YY1AP1: variants seen among roughly 807,000 people sequenced by gnomAD.
YY1AP1 encodes the protein YY1-associated protein 1.
In YY1AP1, 43 loss-of-function variants were observed where a neutral mutation model predicts 39.9. The ratio of observed to expected loss-of-function variants is 1.08; its 90% CI spans 0.84 to 1.39. YY1AP1 has a LOEUF of 1.39. YY1AP1 is among the 40% of genes most tolerant of loss of function. The pLI, the probability that YY1AP1 is intolerant of heterozygous loss-of-function variation, is 0.00. For missense variants in YY1AP1, 813 were observed against 900.7 expected, an observed-to-expected ratio of 0.90 and a Z score of 1.25; for synonymous variants, 292 against 331.3, an observed-to-expected ratio of 0.88 and a Z score of 1.29.
chr1:155,672,042 ATTTC>A (rs1163392725), intron 7 of YY1AP1, among the ~76,000 whole-genome samples: 1 of 152,218 alleles, frequency 6.6e-6, no homozygotes, highest in Non-Finnish European at 1.5e-5. Flanking sequence ...AAACCGGCAA[ATTTC>A]TTTAAAATAC....
intron 1 of YY1AP1, 48 bp downstream of exon 1, chr1:155,688,611 C>T (rs1558324267): frequency 2.6e-6 from 4 of 1,534,880 alleles, no homozygotes; most frequent in Non-Finnish European, 2.6e-6. Context: ...TTCTCCACTC[C>T]CCCTCAGACC....
chr1:155,679,036 C>G (rs2149062552), intron 4 of YY1AP1: 1 of 971,006 alleles, frequency 1.0e-6, no homozygotes, highest in East Asian at 6.2e-5. Context: ...AATTTTCAGT[C>G]ACATTTAGCA....
At chr1:155,685,710 G>T (rs1049821410) in intron 2 of YY1AP1, among the ~76,000 whole-genome samples, 1 of 151,976 alleles carries the variant, frequency 6.6e-6, no homozygotes, top group African/African-American at 2.4e-5. Context: ...CCACACACCC[G>T]AACAATGAAA....
Position 155,676,484 on chromosome 1 carries a change from T to C in YY1AP1, c.324+64A>G, listed in dbSNP as rs951215890. On this transcript the variant is annotated intron_variant, in intron 5 of 10. Transcript: ENST00000355499. ...TTACAAAGCTGCTAATTTTAGATTA[T>C]ACCAAAGCCTCAGAGTTAGGCCTTG... 1.9e-6 allele frequency: 3 copies of C among 1,590,332 alleles called. No individual in the cohort carries two copies. The African/African-American group carries it at 4.0e-5, about 21-fold the overall frequency.
rs1420379040 is a variant in YY1AP1, at chr1:155,688,676, C to A, written c.-169G>T. 6.5e-7 allele frequency: 1 copy of A among 1,532,194 alleles called. No homozygotes were observed. Among genetic ancestry groups the A allele is most frequent in the Non-Finnish European group, 8.7e-7 (1 of 1,145,848 alleles). 94.9% of individuals were successfully genotyped at this position (1,532,194 alleles called of 1,614,324 possible). A position where few individuals can be genotyped will look rare whatever the true frequency, so the allele number is the denominator to read the frequency against. ...ACGCGTACCTTCAGCGGCGCGAGCCCAAGCCTTCTCCACCTCCTCTTCTCT... is the reference window on the plus strand; with the variant it reads ...ACGCGTACCTTCAGCGGCGCGAGCCAAAGCCTTCTCCACCTCCTCTTCTCT... On this transcript the variant is annotated 5_prime_UTR_variant, in exon 1 of 11. Transcript: ENST00000355499.
rs370306346 is a variant in YY1AP1, at chr1:155,675,099, G to C, written c.325-3C>G. The C allele has an allele frequency of 3.7e-6, 6 of 1,612,940 alleles. No individual in the cohort carries two copies. Among genetic ancestry groups the C allele is most frequent in the Non-Finnish European group, 5.1e-6 (6 of 1,179,298 alleles). On this transcript the variant is annotated splice_region_variant and splice_polypyrimidine_tract_variant and intron_variant, in intron 5 of 10. Coordinates refer to ENST00000355499, the MANE Select transcript of YY1AP1 (RefSeq NM_139119.3). ...ATTTGTGTCAAGAGCTGAACATGCT[G>C]GGGAGAGAAAGAAAATAATGCAGTG...
At chr1:155,675,646 CAG>C (rs545140549) in intron 5 of YY1AP1, among the ~76,000 whole-genome samples, 3 of 151,066 alleles carry the variant, frequency 2.0e-5, no homozygotes, top group Non-Finnish European at 4.4e-5. Flanking sequence ...TTTGTAGAGA[CAG>C]AGTCTCACTA....
rs1323445356 is a variant in YY1AP1 at position 155,679,643 on chromosome 1, G to A, written c.22-131C>T. 9.7e-6 allele frequency: 15 copies of A among 1,540,848 alleles called. No homozygotes were observed. The Admixed American group carries it at 1.2e-4, about 12-fold the overall frequency. ...TGGCACCCAGAAAGAGCCTACATCA[G>A]AACCTTTCTCACTTCAGGACTCCTA... On this transcript the variant is annotated intron_variant, in intron 3 of 10. Transcript: ENST00000355499.
chr1:155,672,459 T>G lies in YY1AP1; in HGVS notation c.583+101A>C. 2.0e-6 allele frequency: 3 copies of G among 1,467,228 alleles called. No individual in the cohort carries two copies. In the South Asian group the frequency reaches 3.5e-5, roughly 17 times the overall value. The allele number at this position is 1,467,228 out of a possible 1,614,324, so 90.9% of individuals were successfully genotyped here. On this transcript the variant is annotated intron_variant, in intron 7 of 10. Transcript: ENST00000355499. The stretch of plus-strand genomic sequence containing the variant: ...AAGAAATTACAAATGTCCTGTGTCC[T>G]CCATTCCTAGGCAAGTATCCTAGGA...
intron 6 of YY1AP1, chr1:155,674,624 C>T (rs1650361948): frequency 5.6e-6 from 1 of 179,768 alleles, no homozygotes; most frequent in Admixed American, 5.8e-5. Context: ...GTCAGGAATT[C>T]GAGACCAGCC....
At chr1:155,670,586 T>C (rs1392962088) in intron 7 of YY1AP1, 122 bp from the exon 8 acceptor site, 6 of 978,090 alleles carry the variant, frequency 6.1e-6, no homozygotes, top group Non-Finnish European at 7.5e-6. Context: ...CCCTCCCATC[T>C]GCCTACCACT....
intron 8 of YY1AP1, among the ~76,000 whole-genome samples, chr1:155,669,076 C>T (rs976988746): frequency 2.6e-5 from 4 of 151,994 alleles, no homozygotes; most frequent in African/African-American, 9.7e-5. Context: ...CTCTGTTGTC[C>T]AGGCTGGAGA....
chr1:155,662,854 AT>A (rs1486869348), intron 9 of YY1AP1, among the ~76,000 whole-genome samples: 1 of 151,948 alleles, frequency 6.6e-6, no homozygotes, highest in African/African-American at 2.4e-5. Flanking sequence ...ACAAAAAAAA[AT>A]TAGCTGGGTG....
At chr1:155,681,399 CCAACCT>C (rs1342414758) in intron 2 of YY1AP1, among the ~76,000 whole-genome samples, 1 of 152,058 alleles carries the variant, frequency 6.6e-6, no homozygotes, top group Non-Finnish European at 1.5e-5. Context: ...GACAAGTCTC[CCAACCT>C]GGGCAAAATG....
upstream of YY1AP1, chr1:155,688,808 C>T: frequency 6.4e-7 from 1 of 1,558,192 alleles, no homozygotes; most frequent in South Asian, 1.2e-5. Flanking sequence ...CAGTCCCCAC[C>T]GCGGGACTGT....
chr1:155,663,023 C>A (rs1203859752), intron 9 of YY1AP1, among the ~76,000 whole-genome samples: 2 of 151,084 alleles, frequency 1.3e-5, no homozygotes, highest in Non-Finnish European at 2.9e-5. Context: ...CGCCCCATCC[C>A]CCAACAAAAG....
intron 1 of YY1AP1, 117 bp downstream of exon 1, chr1:155,688,542 G>C: frequency 5.2e-6 from 8 of 1,541,694 alleles, no homozygotes; most frequent in Non-Finnish European, 7.0e-6. Context: ...CACCACCTTC[G>C]GCCGTCCTGC....
In YY1AP1 at chr1:155,676,734, T is replaced by C; in HGVS notation, c.138A>G (p.Leu46=). ...GTTGTTCATTTAGTAGGTTGGCCAG[T>C]AGTTCCTCAAACCTATCCCAAACGG... ...NTPQALRFEE[L]LANLLNEQHQ... The change falls in exon 5 of 11, where the codon CTA becomes CTG. Residue 46 remains leucine, a synonymous_variant. Coordinates refer to ENST00000355499, the MANE Select transcript of YY1AP1 (RefSeq NM_139119.3). 6.2e-7 allele frequency: 1 copy of C among 1,614,128 alleles called. No homozygotes were observed. Among genetic ancestry groups the C allele is most frequent in the Non-Finnish European group, 8.5e-7 (1 of 1,180,006 alleles).
chr1:155,659,949 C>A lies in YY1AP1; in HGVS notation c.1961G>T (p.Gly654Val), dbSNP rs1332081700. ...AVADGENAFQ[G>V]LEPKLEPQEL... ...CTGGGGCTCTAATTTGGGTTCTAGG[C>A]CCTGAAAGGCATTTTCCCCATCAGC... The change falls in exon 11 of 11, where the codon GGC (glycine) becomes GTC (valine). Residue 654 changes from glycine to valine, a missense_variant. Physicochemically the swap from Gly to Val is moderately radical, Grantham distance 109. This residue lies in a region of YY1AP1 where 586 missense variants were observed against 647.4 expected (regional missense o/e 0.91). Coordinates refer to ENST00000355499, the MANE Select transcript of YY1AP1 (RefSeq NM_139119.3). 1.3e-5 allele frequency: 21 copies of A among 1,614,060 alleles called. No individual in the cohort carries two copies. The highest frequency in any genetic ancestry group is 2.2e-5 in the East Asian group (1 of 44,898).
Sources: allele counts gnomAD v4.1 joint callset (sites outside exome capture counted in the v4.1 genomes callset), GRCh38; gene constraint gnomAD v4.1.1; regional missense constraint gnomAD v4.1.1; transcripts MANE v1.5; gene names NCBI Gene and HGNC (gene_info 2026-07-23, HGNC 2026-07-21).